Variants in CARS2 observed in about 807,000 individuals in gnomAD.
CARS2 encodes cysteinyl-tRNA synthetase 2, mitochondrial.
Under a neutral mutation model 68.8 loss-of-function variants are expected in CARS2, and 52 were observed. The ratio of observed to expected loss-of-function variants is 0.76; its 90% CI spans 0.61 to 0.95. The LOEUF (loss-of-function observed/expected upper bound fraction) is 0.95, where lower values mean the gene tolerates loss of function less well. CARS2 is among the 40% of genes least tolerant of loss of function. The pLI, the probability that CARS2 is intolerant of heterozygous loss-of-function variation, is 0.00. For missense variants in CARS2, 780 were observed against 754.2 expected, an observed-to-expected ratio of 1.03 and a Z score of -0.40; for synonymous variants, 314 against 303.6, an observed-to-expected ratio of 1.03 and a Z score of -0.36.
chr13:110,664,326 G>A, intron 8 of CARS2: 1 of 396,910 alleles, frequency 2.5e-6, no homozygotes. Flanking sequence ...TGGGCAACAT[G>A]GCAACACCCG....
In CARS2 at chr13:110,647,214, C is replaced by T. The variant is rs1888255028; in HGVS notation, c.1080G>A (p.Met360Ile). 22 of 1,613,082 alleles carry T rather than the reference C, an allele frequency of 1.4e-5. No homozygotes were observed. The highest frequency in any genetic ancestry group is 1.8e-5 in the Non-Finnish European group (21 of 1,179,806). ...CCAGGAGCAGCTGCTGAGCTTGGAG[C>T]ATGGCGCTGTCACTGTAGTCGATGG... is the stretch of plus-strand genomic sequence containing the variant. ...RSAIDYSDSA[M>I]LQAQQLLLGL... The change falls in exon 11 of 15, where the codon ATG (methionine) becomes ATA (isoleucine). Residue 360 changes from methionine to isoleucine, a missense_variant. Met to Ile is a conservative substitution (Grantham distance 10). Transcript: ENST00000257347.
chr13:110,662,449 C>G (rs1381559067), intron 9 of CARS2, among the ~76,000 whole-genome samples: 2 of 152,272 alleles, frequency 1.3e-5, no homozygotes, highest in Non-Finnish European at 2.9e-5. Flanking sequence ...CAACCTTCCT[C>G]TGTGTCATGC....
intron 7 of CARS2, among the ~76,000 whole-genome samples, chr13:110,673,176 A>T (rs887231064): frequency 1.4e-4 from 21 of 152,210 alleles, no homozygotes; most frequent in Admixed American, 1.1e-3. Flanking sequence ...AAATTATTAC[A>T]ATCAACAGAA....
Position 110,651,104 on chromosome 13 carries a change from G to A in CARS2, c.988-4C>T, listed in dbSNP as rs574910161. On this transcript the variant is annotated splice_region_variant and splice_polypyrimidine_tract_variant and intron_variant, in intron 9 of 14. Coordinates refer to ENST00000257347, the MANE Select transcript of CARS2 (RefSeq NM_024537.4). ...GGGAAAAGGTCTTCAGAAAGTCCTG[G>A]TAAAGCGAGAGACAGGCAGTCACGA... 8.1e-6 allele frequency: 13 copies of A among 1,612,054 alleles called. No homozygotes were observed. The highest frequency in any genetic ancestry group is 2.7e-5 in the African/African-American group (2 of 74,988).
At chr13:110,651,135 T>C (rs2062200296) in intron 9 of CARS2, 35 bp from the exon 10 acceptor site, 1 of 1,483,354 alleles carries the variant, frequency 6.7e-7, no homozygotes, top group Non-Finnish European at 9.4e-7. Flanking sequence ...CACGAGGCTT[T>C]GCTTTTACGC....
At chr13:110,712,914 G>A in intron 1 of CARS2, 1 of 1,548,964 alleles carries the variant, frequency 6.5e-7, no homozygotes. Context: ...GGAGGGCGGT[G>A]ACGGATGGCG....
At chr13:110,646,271 C>T in intron 11 of CARS2, 181 bp from the exon 12 acceptor site, 2 of 615,518 alleles carry the variant, frequency 3.2e-6, no homozygotes, top group East Asian at 3.1e-5. Context: ...CAACTGCAAA[C>T]TGTCATGTTA....
intron 6 of CARS2, among the ~76,000 whole-genome samples, chr13:110,682,254 A>G (rs1004611765): frequency 9.2e-5 from 14 of 152,250 alleles, no homozygotes; most frequent in African/African-American, 3.1e-4. Flanking sequence ...CAGAATGTAC[A>G]ACTCTCAGAA....
intron 6 of CARS2, among the ~76,000 whole-genome samples, chr13:110,681,753 C>A (rs562102036): frequency 6.6e-6 from 1 of 152,166 alleles, no homozygotes; most frequent in Non-Finnish European, 1.5e-5. Context: ...TAAAGAGAAA[C>A]GAGCTCTCAG....
upstream of CARS2, among the ~76,000 whole-genome samples, chr13:110,707,816 A>T (rs1280743484): frequency 6.6e-6 from 1 of 152,224 alleles, no homozygotes; most frequent in African/African-American, 2.4e-5. Flanking sequence ...TTAAGTAGAG[A>T]CAAACAAGTG....
chr13:110,644,634 T>G, intron 12 of CARS2, 151 bp from the exon 13 acceptor site: 1 of 1,347,842 alleles, frequency 7.4e-7, no homozygotes, highest in Non-Finnish European at 9.9e-7. Flanking sequence ...AGCTCTGGCA[T>G]CGGCTACCTC....
chr13:110,662,214 C>T (rs558982293), intron 9 of CARS2, among the ~76,000 whole-genome samples: 3 of 97,684 alleles, frequency 3.1e-5, no homozygotes, highest in Non-Finnish European at 6.1e-5. Context: ...CGGACCCCCT[C>T]TGCGTCATGC....
intron 1 of CARS2, chr13:110,713,118 T>G: frequency 2.1e-6 from 3 of 1,430,022 alleles, no homozygotes; most frequent in Non-Finnish European, 2.7e-6. Context: ...GTAGTAAGAG[T>G]CCGGGGGGCA....
At chr13:110,692,119 CACATATATAT>C (rs59804234) in intron 3 of CARS2, among the ~76,000 whole-genome samples, 5,011 of 148,676 alleles carry the variant, frequency 0.034, 295 homozygotes, top group African/African-American at 0.12. Flanking sequence ...TATATACACA[CACATATATAT>C]ACATATATAT....
chr13:110,666,443 G>T (rs2062650515), intron 8 of CARS2: 1 of 985,410 alleles, frequency 1.0e-6, no homozygotes, highest in African/African-American at 1.7e-5. Flanking sequence ...GTGAGAGGCA[G>T]ACATAGTAGG....
intron 3 of CARS2, among the ~76,000 whole-genome samples, chr13:110,688,451 G>A (rs564842417): frequency 1.4e-4 from 22 of 152,114 alleles, no homozygotes; most frequent in South Asian, 1.0e-3. Flanking sequence ...CACCATCTCC[G>A]AAACAAAAAT....
At chr13:110,651,539 C>A (rs930881443) in intron 9 of CARS2, among the ~76,000 whole-genome samples, 1 of 152,252 alleles carries the variant, frequency 6.6e-6, no homozygotes, top group African/African-American at 2.4e-5. Context: ...GAACGTCAGA[C>A]CCGGCTGACC....
rs951957006 is a variant in CARS2, at chr13:110,694,931, G to A, written c.393+6507C>T. Among the ~76,000 whole-genome samples the A allele has an allele frequency of 4.6e-5, 7 of 152,064 alleles. 1 individual carries two copies. The East Asian group carries it at 5.8e-4, about 13-fold the overall frequency. ...TGGGTAAAGAAAACGCAGCACAGTCGGCTCTCTGTATCCTAGGGTTCTGCA... is the reference window on the plus strand; with the variant it reads ...TGGGTAAAGAAAACGCAGCACAGTCAGCTCTCTGTATCCTAGGGTTCTGCA... On this transcript the variant is annotated intron_variant, in intron 3 of 14. Coordinates refer to ENST00000257347, the MANE Select transcript of CARS2 (RefSeq NM_024537.4).
At chr13:110,686,367 T>C (rs1488578176) in intron 5 of CARS2, among the ~76,000 whole-genome samples, 4 of 151,738 alleles carry the variant, frequency 2.6e-5, no homozygotes, top group Non-Finnish European at 5.9e-5. Context: ...CTCGGCCTCC[T>C]GAGTAGCTGA....
Sources: allele counts gnomAD v4.1 joint callset (sites outside exome capture counted in the v4.1 genomes callset), GRCh38; gene constraint gnomAD v4.1.1; transcripts MANE v1.5; gene names NCBI Gene and HGNC (gene_info 2026-07-23, HGNC 2026-07-21).